ACSS1: variants seen among roughly 807,000 people sequenced by gnomAD.
ACSS1 encodes acyl-CoA synthetase short chain family member 1.
ACSS1 carries 42 observed loss-of-function variants against 75.3 expected under a neutral mutation model. The observed-to-expected ratio is 0.56, with a 90% confidence interval of 0.44 to 0.72. The LOEUF (loss-of-function observed/expected upper bound fraction) is 0.72, where lower values mean the gene tolerates loss of function less well. Among genes scored for constraint, ACSS1 ranks in the 30% least tolerant of loss-of-function variants. The pLI is 0.00. For missense variants in ACSS1, 782 were observed against 935.7 expected, an observed-to-expected ratio of 0.84 and a Z score of 2.14; for synonymous variants, 380 against 376.8, an observed-to-expected ratio of 1.01 and a Z score of -0.10.
Position 25,014,020 on chromosome 20 carries a change from G to A in ACSS1, c.1393C>T (p.Leu465Phe), listed in dbSNP as rs1250832982. 1.2e-6 allele frequency: 2 copies of A among 1,613,764 alleles called. No individual in the cohort carries two copies. The highest frequency in any genetic ancestry group is 1.7e-5 in the Admixed American group (1 of 60,000). Reference sequence around the variant, plus strand: ...AAGGGCCTCATCGCCATGGCAGGGAGGATTTCCGCCCCTTCTTCCGAGGGC... The same window carrying A: ...AAGGGCCTCATCGCCATGGCAGGGAAGATTTCCGCCCCTTCTTCCGAGGGC... ...PRPSEEGAEILPAMAMRPFFG... is the reference protein window; with the variant it reads ...PRPSEEGAEIFPAMAMRPFFG... Residue 465 changes from leucine (L) to phenylalanine (F), a missense_variant, in exon 9 of 14, where the codon CTC becomes TTC. Leu to Phe is a conservative substitution (Grantham distance 22). Coordinates refer to ENST00000323482, the MANE Select transcript of ACSS1 (RefSeq NM_032501.4).
At chr20:25,019,543 T>C (rs961142396) in intron 7 of ACSS1, among the ~76,000 whole-genome samples, 2 of 152,202 alleles carry the variant, frequency 1.3e-5, no homozygotes, top group Non-Finnish European at 2.9e-5. Flanking sequence ...TTTAGACGAC[T>C]GAGTCTCACT....
rs1251137058 is a variant in ACSS1, at chr20:25,020,081, C to T, written c.1175G>A (p.Arg392Gln). Residue 392 changes from arginine to glutamine, a missense_variant, in exon 7 of 14, where the codon CGG becomes CAG. Arg to Gln is a conservative substitution (Grantham distance 43). Around this residue, in one of 2 missense-constraint regions of ACSS1, gnomAD observed 405 missense variants for 552.6 expected, o/e 0.73. Coordinates refer to ENST00000323482, the MANE Select transcript of ACSS1 (RefSeq NM_032501.4). ...NQFYGAPTAV[R>Q]LLLKYGDAWV... ...GGCATCACCGTATTTCAGCAACAGC[C>T]GGACAGCCGTTGGGGCGCCATAGAA... The T allele has an allele frequency of 1.9e-6, 3 of 1,614,104 alleles. No individual in the cohort carries two copies. Among genetic ancestry groups the T allele is most frequent in the Middle Eastern group, 1.6e-4 (1 of 6,084 alleles).
rs1325761051 is a variant in ACSS1 at position 25,013,559 on chromosome 20, T to C, written c.1556A>G (p.Asp519Gly). ...ACCTGGGTAGGCCTTGAAGTAGGCG[T>C]CCACAAATCGCTGGTGGTCGCCATA... ...TIYGDHQRFV[D>G]AYFKAYPGYY... The change falls in exon 10 of 14, where the codon GAC (aspartate) becomes GGC (glycine). Residue 519 changes from aspartate to glycine, a missense_variant. By Grantham distance (94) the Asp-to-Gly change is moderately conservative. Around this residue, in one of 2 missense-constraint regions of ACSS1, gnomAD observed 405 missense variants for 552.6 expected, o/e 0.73. Transcript: ENST00000323482. The C allele has an allele frequency of 6.2e-6, 10 of 1,603,910 alleles. No homozygotes were observed. Among genetic ancestry groups the C allele is most frequent in the African/African-American group, 1.3e-5 (1 of 74,870 alleles).
intron 6 of ACSS1, among the ~76,000 whole-genome samples, chr20:25,020,942 C>A (rs2088613439): frequency 2.0e-5 from 3 of 152,244 alleles, no homozygotes; most frequent in Admixed American, 6.5e-5. Context: ...AAAGTGATCT[C>A]AATTTAATGG....
At chr20:25,008,831 G>A (rs1407259747) in intron 13 of ACSS1, among the ~76,000 whole-genome samples, 1 of 152,204 alleles carries the variant, frequency 6.6e-6, no homozygotes, top group African/African-American at 2.4e-5. Flanking sequence ...TGACTAGCCT[G>A]CACATGCCAA....
chr20:25,012,232 C>T (rs1425359490), intron 12 of ACSS1: 3 of 319,728 alleles, frequency 9.4e-6, no homozygotes, highest in Admixed American at 4.5e-5. Flanking sequence ...TGACCAAGCC[C>T]GTGAGGATAC....
At chr20:25,040,917 C>A (rs1274327399) in intron 2 of ACSS1, among the ~76,000 whole-genome samples, 3 of 152,212 alleles carry the variant, frequency 2.0e-5, no homozygotes, top group African/African-American at 7.2e-5. Flanking sequence ...GATTTCATTC[C>A]TTTTATTGAA....
In ACSS1 at chr20:25,034,754, G is replaced by C. The variant is rs181990640; in HGVS notation, c.432-3796C>G. On this transcript the variant is annotated intron_variant, in intron 2 of 13. Coordinates refer to ENST00000323482, the MANE Select transcript of ACSS1 (RefSeq NM_032501.4). ...CAGCTAATTTTGTATTTTTAGTAGA[G>C]ACGGGGTTTCTCCATGTTGGTCAGG... Among the ~76,000 whole-genome samples, 403 of 152,184 alleles carry C rather than the reference G, an allele frequency of 2.6e-3. 2 individuals are homozygous for C. Among genetic ancestry groups the C allele is most frequent in the Non-Finnish European group, 3.8e-3 (256 of 68,012 alleles).
At chr20:25,049,646 T>C (rs894902792) in intron 1 of ACSS1, among the ~76,000 whole-genome samples, 97 of 151,740 alleles carry the variant, frequency 6.4e-4, no homozygotes, top group African/African-American at 2.3e-3. Context: ...CCCTGGGAAG[T>C]CAAGAGCAGC....
At chr20:25,055,098 CA>C (rs571607554) in intron 1 of ACSS1, among the ~76,000 whole-genome samples, 155 of 152,320 alleles carry the variant, frequency 1.0e-3, no homozygotes, top group African/African-American at 3.4e-3. Flanking sequence ...GGGTGTTTCC[CA>C]ATTCTATAAT....
chr20:25,028,674 C>T (rs1026529023), intron 3 of ACSS1, among the ~76,000 whole-genome samples: 5 of 152,292 alleles, frequency 3.3e-5, no homozygotes, highest in African/African-American at 9.6e-5. Flanking sequence ...AGAAAACATA[C>T]GAACAGGGAG....
chr20:25,023,763 A>G, intron 3 of ACSS1, 122 bp from the exon 4 acceptor site: 1 of 973,496 alleles, frequency 1.0e-6, no homozygotes, highest in Non-Finnish European at 1.5e-6. Flanking sequence ...CTTGAGTAAA[A>G]GACTCAATGG....
intron 13 of ACSS1, 78 bp downstream of exon 13, chr20:25,009,192 C>A: frequency 1.6e-6 from 2 of 1,251,758 alleles, no homozygotes; most frequent in South Asian, 1.3e-5. Flanking sequence ...GAGTAATATG[C>A]TCCTAAAAGA....
In ACSS1 at chr20:25,007,006, G is replaced by A. The variant is rs143719073; in HGVS notation, c.*756C>T. 6.5e-7 allele frequency: 1 copy of A among 1,531,330 alleles called. No individual in the cohort carries two copies. The highest frequency in any genetic ancestry group is 1.4e-5 in the African/African-American group (1 of 73,004). 94.9% of individuals were successfully genotyped at this position (1,531,330 alleles called of 1,614,324 possible). Reference sequence around the variant, plus strand: ...CTTGAAGAAACAGAACATAACTGGAGTAGCTTCAGAACTAAGGCGGCCACA... The same window carrying A: ...CTTGAAGAAACAGAACATAACTGGAATAGCTTCAGAACTAAGGCGGCCACA... On this transcript the variant is annotated 3_prime_UTR_variant, in exon 14 of 14. Coordinates refer to ENST00000323482, the MANE Select transcript of ACSS1 (RefSeq NM_032501.4).
intron 1 of ACSS1, among the ~76,000 whole-genome samples, chr20:25,048,629 G>A (rs1665139256): frequency 1.3e-5 from 2 of 152,234 alleles, no homozygotes; most frequent in African/African-American, 2.4e-5. Context: ...CAGTTCCCAT[G>A]TGCCCAGTGC....
chr20:25,033,933 G>T (rs577019215), intron 2 of ACSS1, among the ~76,000 whole-genome samples: 2 of 152,332 alleles, frequency 1.3e-5, no homozygotes, highest in South Asian at 4.1e-4. Context: ...CTAGAGACCA[G>T]GTTTCCCTGG....
chr20:25,035,882 G>A (rs2088901367), intron 2 of ACSS1, among the ~76,000 whole-genome samples: 1 of 152,224 alleles, frequency 6.6e-6, no homozygotes, highest in South Asian at 2.1e-4. Flanking sequence ...TTGAAAGCAT[G>A]TTTTTGGATA....
At position 25,015,175 on chromosome 20, in the gene ACSS1, G is replaced by A. The variant is rs371688417; in HGVS notation, c.1302C>T (p.Asp434=). The A allele has an allele frequency of 3.8e-5, 61 of 1,613,124 alleles. No individual in the cohort carries two copies. Among genetic ancestry groups the A allele is most frequent in the Non-Finnish European group, 4.9e-5 (58 of 1,179,390 alleles). ...AWEWLHRVVG[D]SRCTLVDTWW... ...AGGTGTCCACCAGCGTGCACCTGCT[G>A]TCCCCCACCACCCTGTGAAGCCACT... The change falls in exon 8 of 14, where the codon GAC becomes GAT. Residue 434 remains aspartate (D), a synonymous_variant. Coordinates refer to ENST00000323482, the MANE Select transcript of ACSS1 (RefSeq NM_032501.4).
intron 7 of ACSS1, among the ~76,000 whole-genome samples, chr20:25,016,393 A>C (rs915309402): frequency 6.6e-6 from 1 of 151,986 alleles, no homozygotes; most frequent in South Asian, 2.1e-4. Flanking sequence ...ATTATATCTC[A>C]ATAGAAAGGA....
Sources: allele counts gnomAD v4.1 joint callset (sites outside exome capture counted in the v4.1 genomes callset), GRCh38; gene constraint gnomAD v4.1.1; regional missense constraint gnomAD v4.1.1; transcripts MANE v1.5; gene names NCBI Gene and HGNC (gene_info 2026-07-23, HGNC 2026-07-21).